The following CEACAM8 variants were observed in gnomAD, a reference collection of about 807,000 sequenced individuals.
CEACAM8 encodes the protein CEA cell adhesion molecule 8.
A neutral mutation model predicts 33.4 loss-of-function variants in CEACAM8; 31 were observed. That is an observed-to-expected ratio of 0.93 (90% CI 0.70 to 1.25). The LOEUF (loss-of-function observed/expected upper bound fraction) is 1.25, where lower values mean the gene tolerates loss of function less well. Ranked by LOEUF, CEACAM8 falls within the 50% of genes most tolerant of loss-of-function variation. The pLI, the probability that CEACAM8 is intolerant of heterozygous loss-of-function variation, is 0.00. For synonymous variants in CEACAM8, 138 were observed against 164.5 expected (o/e 0.84, Z 1.23); for missense variants, 388 against 434.6 (o/e 0.89, Z 0.95).
chr19:42,585,899 A>T (rs8100511), intron 4 of CEACAM8, among the ~76,000 whole-genome samples: 8,768 of 152,254 alleles, frequency 0.058, 830 homozygotes, highest in African/African-American at 0.2. Flanking sequence ...ATGTTGCAGG[A>T]TACAAAATCA....
chr19:42,590,651 A>T (rs2042421322), intron 2 of CEACAM8, among the ~76,000 whole-genome samples: 1 of 152,160 alleles, frequency 6.6e-6, no homozygotes, highest in Non-Finnish European at 1.5e-5. Flanking sequence ...CTCCTACTGG[A>T]CATTATACAG....
At chr19:42,583,872 C>T (rs967793934) in intron 4 of CEACAM8, among the ~76,000 whole-genome samples, 1 of 152,222 alleles carries the variant, frequency 6.6e-6, no homozygotes, top group Non-Finnish European at 1.5e-5. Context: ...CCCCATCAGC[C>T]TTGCCTAAAC....
Position 42,580,969 on chromosome 19 carries a change from A to G in CEACAM8, c.*425T>C, listed in dbSNP as rs2042250903. On this transcript the variant is annotated 3_prime_UTR_variant, in exon 6 of 6. Coordinates refer to ENST00000244336, the MANE Select transcript of CEACAM8 (RefSeq NM_001816.4). Reference sequence around the variant, plus strand: ...GTGGCAGGCGCCTGTAGTCCCAGCTACTCAGGAGGCTGAGGCAGGAGAATG... The same window carrying G: ...GTGGCAGGCGCCTGTAGTCCCAGCTGCTCAGGAGGCTGAGGCAGGAGAATG... 6.6e-6 allele frequency: 1 copy of G among 151,266 alleles called. No homozygotes were observed. Among genetic ancestry groups the G allele is most frequent in the African/African-American group, 2.4e-5 (1 of 41,070 alleles). The allele number at this position is 151,266 out of a possible 1,614,324, so 9.4% of individuals were successfully genotyped here.
At chr19:42,593,236 A>C (rs1253591684) in intron 2 of CEACAM8, among the ~76,000 whole-genome samples, 1 of 152,110 alleles carries the variant, frequency 6.6e-6, no homozygotes, top group Non-Finnish European at 1.5e-5. Context: ...AGTTCTTTAG[A>C]GTTTTTCTCA....
At position 42,594,885 on chromosome 19, in the gene CEACAM8, T is replaced by G. The variant is rs2070640237; in HGVS notation, c.-57A>C. 6.4e-7 allele frequency: 1 copy of G among 1,558,614 alleles called. No individual in the cohort carries two copies. The highest frequency in any genetic ancestry group is 8.7e-7 in the Non-Finnish European group (1 of 1,145,826). On this transcript the variant is annotated 5_prime_UTR_variant, in exon 1 of 6. Coordinates refer to ENST00000244336, the MANE Select transcript of CEACAM8 (RefSeq NM_001816.4). ...GAGATGAGCCTGGGATCCAGAAACT[T>G]TCTGAGCACGGCTGTCAGCTGTGCT...
Position 42,588,956 on chromosome 19 carries a change from G to A in CEACAM8, c.786C>T (p.Ala262=), listed in dbSNP as rs141077776. 1.6e-4 allele frequency: 262 copies of A among 1,614,164 alleles called. 1 individual carries two copies. In the Middle Eastern group the frequency reaches 5.4e-3, roughly 34 times the overall value. ...AAGAATACTGTGAGGGTGGATTAGA[G>A]GCCGCATGGCAGGAGAGGTTGAGAT... ...GVNLNLSCHA[A]SNPPSQYSWS... The change falls in exon 4 of 6, where the codon GCC becomes GCT. Residue 262 remains alanine, a synonymous_variant. Transcript: ENST00000244336.
At chr19:42,586,226 G>C (rs2042334775) in intron 4 of CEACAM8, among the ~76,000 whole-genome samples, 2 of 151,616 alleles carry the variant, frequency 1.3e-5, no homozygotes, top group Admixed American at 1.3e-4. Flanking sequence ...TTTTTTTGCA[G>C]AAATAGAAAA....
chr19:42,585,313 CA>C lies in CEACAM8; in HGVS notation c.959-1977del, dbSNP rs34190972. The stretch of plus-strand genomic sequence containing the variant: ...GTGAGACTCGTCTTTCTCTCTCTCT[CA>C]AAAAAAAAAAAAAAACAAACAAAAA... On this transcript the variant is annotated intron_variant, in intron 4 of 5. Transcript: ENST00000244336. 3.0e-3 allele frequency among the ~76,000 whole-genome samples: 187 copies of C among 61,920 alleles called. 2 individuals carry two copies. Among genetic ancestry groups the C allele is most frequent in the African/African-American group, 5.4e-3 (111 of 20,520 alleles). The allele number at this position is 61,920 out of a possible 152,430, so 40.6% of individuals were successfully genotyped here. A position where few individuals can be genotyped will look rare whatever the true frequency, so the allele number is the denominator to read the frequency against.
chr19:42,587,027 A>C (rs571292885), intron 4 of CEACAM8, among the ~76,000 whole-genome samples: 1 of 152,306 alleles, frequency 6.6e-6, no homozygotes, highest in East Asian at 1.9e-4. Flanking sequence ...TCAGAACCCC[A>C]ATGATAGAAT....
Position 42,593,918 on chromosome 19 carries a change from C to A in CEACAM8, c.65-18G>T. 6.4e-7 allele frequency: 1 copy of A among 1,554,688 alleles called. No individual in the cohort carries two copies. Among genetic ancestry groups the A allele is most frequent in the Admixed American group, 2.0e-5 (1 of 50,610 alleles). ...AAGTGAGGCTAGGAGGGGGAGAGAGCATCAAGCAATATTGCAACATATGTA... is the reference window on the plus strand; with the variant it reads ...AAGTGAGGCTAGGAGGGGGAGAGAGAATCAAGCAATATTGCAACATATGTA... On this transcript the variant is annotated intron_variant, in intron 1 of 5. Coordinates refer to ENST00000244336, the MANE Select transcript of CEACAM8 (RefSeq NM_001816.4).
intron 5 of CEACAM8, 116 bp downstream of exon 5, chr19:42,583,090 T>C: frequency 1.6e-6 from 1 of 635,542 alleles, no homozygotes; most frequent in Non-Finnish European, 2.8e-6. Flanking sequence ...GAATTAGTGC[T>C]GAGAAGCAGG....
At chr19:42,583,624 TTA>T in intron 4 of CEACAM8, among the ~76,000 whole-genome samples, 1 of 152,364 alleles carries the variant, frequency 6.6e-6, no homozygotes, top group African/African-American at 2.4e-5. Flanking sequence ...GATTGCTATT[TTA>T]TGTGTCATTA....
At chr19:42,592,083 C>G (rs535621326) in intron 2 of CEACAM8, among the ~76,000 whole-genome samples, 10 of 152,270 alleles carry the variant, frequency 6.6e-5, no homozygotes, top group African/African-American at 1.4e-4. Flanking sequence ...CTTATTTGCT[C>G]TCACTTCTCT....
Position 42,588,901 on chromosome 19 carries a change from TG to T in CEACAM8, c.840del (p.Tyr280Ter). The T allele has an allele frequency of 6.2e-7, 1 of 1,614,200 alleles. No homozygotes were observed. The highest frequency in any genetic ancestry group is 8.5e-7 in the Non-Finnish European group (1 of 1,180,034). On this transcript the variant is annotated frameshift_variant, in exon 4 of 6. Coordinates refer to ENST00000244336, the MANE Select transcript of CEACAM8 (RefSeq NM_001816.4). LOFTEE classifies it high-confidence loss of function. ...ATGTTGGGGATAAAGAGCTTTTGTG[TG>T]TATTGCTGGAATGTGCCATTGACAG... is the stretch of plus-strand genomic sequence containing the variant. ...SWSVNGTFQQ[Y>X]TQKLFIPNIT...
chr19:42,591,878 T>A (rs903210768), intron 2 of CEACAM8, among the ~76,000 whole-genome samples: 2 of 152,168 alleles, frequency 1.3e-5, no homozygotes, highest in African/African-American at 4.8e-5. Context: ...CCTGTCCTGG[T>A]GCAGGGTGTG....
chr19:42,590,355 G>C (rs1600299347), intron 2 of CEACAM8, among the ~76,000 whole-genome samples: 1 of 152,236 alleles, frequency 6.6e-6, no homozygotes, highest in Non-Finnish European at 1.5e-5. Context: ...TCTAAAGATA[G>C]AGCAGAGTCC....
At chr19:42,590,690 A>G (rs1203297857) in intron 2 of CEACAM8, among the ~76,000 whole-genome samples, 1 of 152,194 alleles carries the variant, frequency 6.6e-6, no homozygotes, top group Non-Finnish European at 1.5e-5. Flanking sequence ...CAGGACAGAT[A>G]CTGTAGGATT....
intron 2 of CEACAM8, among the ~76,000 whole-genome samples, chr19:42,593,148 G>T (rs566484122): frequency 6.6e-6 from 1 of 152,218 alleles, no homozygotes; most frequent in Non-Finnish European, 1.5e-5. Context: ...CAGGGGTCTG[G>T]AGCAGGGGCT....
At position 42,580,480 on chromosome 19, in the gene CEACAM8, T is replaced by A. The variant is rs1258647386; in HGVS notation, c.*914A>T. 6.6e-6 allele frequency: 1 copy of A among 152,254 alleles called. No individual in the cohort carries two copies. Among genetic ancestry groups the A allele is most frequent in the African/African-American group, 2.4e-5 (1 of 41,470 alleles). 9.4% of individuals were successfully genotyped at this position (152,254 alleles called of 1,614,324 possible). ...TAGACACTCCGTTAATCTATCATTC[T>A]CTGTATTTTCTCAAATATAACATCC... On this transcript the variant is annotated 3_prime_UTR_variant, in exon 6 of 6. Transcript: ENST00000244336.
Sources: allele counts gnomAD v4.1 joint callset (sites outside exome capture counted in the v4.1 genomes callset), GRCh38; gene constraint gnomAD v4.1.1; transcripts MANE v1.5; gene names NCBI Gene and HGNC (gene_info 2026-07-23, HGNC 2026-07-21).